The following LINGO2 variants were observed in gnomAD, a reference collection of about 807,000 sequenced individuals.
LINGO2 encodes the protein leucine-rich repeat and immunoglobulin-like domain-containing nogo receptor-interacting protein 2.
A neutral mutation model predicts 30.6 loss-of-function variants in LINGO2; 14 were observed. That is an observed-to-expected ratio of 0.46 (90% CI 0.30 to 0.72). LINGO2 has a LOEUF of 0.72. Among genes scored for constraint, LINGO2 ranks in the 30% least tolerant of loss-of-function variants. The pLI is 0.07. For missense variants in LINGO2, 729 were observed against 751.7 expected (o/e 0.97, Z 0.35); for synonymous variants, 317 against 288.5 (o/e 1.10, Z -1.00).
chr9:28,123,684 G>C (rs1179533338), intron 4 of LINGO2, among the ~76,000 whole-genome samples: 5 of 137,466 alleles, frequency 3.6e-5, no homozygotes, highest in Non-Finnish European at 6.2e-5. Context: ...TTTTTTTTTT[G>C]ACGGAGTCTC....
the LINGO2 span, among the ~76,000 whole-genome samples, chr9:28,894,786 C>G: frequency 1.3e-5 from 2 of 151,832 alleles, no homozygotes; most frequent in Non-Finnish European, 2.9e-5. Context: ...CTTTGAAATA[C>G]GAGTACATTG....
intron 4 of LINGO2, among the ~76,000 whole-genome samples, chr9:28,226,532 A>G (rs1821150504): frequency 1.3e-5 from 2 of 151,738 alleles, no homozygotes; most frequent in Admixed American, 1.3e-4. Context: ...CAAGGGCATA[A>G]GAAGAGAAAT....
intron 4 of LINGO2, among the ~76,000 whole-genome samples, chr9:28,174,214 G>C (rs975231344): frequency 1.5e-4 from 23 of 152,176 alleles, no homozygotes; most frequent in Admixed American, 6.5e-5. Flanking sequence ...TTTCTAAAAT[G>C]AGAATCCACT....
At chr9:29,151,596 G>A in the LINGO2 span, among the ~76,000 whole-genome samples, 1 of 151,496 alleles carries the variant, frequency 6.6e-6, no homozygotes, top group Non-Finnish European at 1.5e-5. Context: ...AAAAAGAGCA[G>A]GAGTTACTAT....
intron 1 of LINGO2, among the ~76,000 whole-genome samples, chr9:28,630,825 C>T (rs1380113057): frequency 6.6e-6 from 1 of 151,706 alleles, no homozygotes; most frequent in African/African-American, 2.4e-5. Context: ...TGAGAGTATG[C>T]AGACTATTTT....
chr9:28,447,126 G>C (rs1395289842), intron 2 of LINGO2, among the ~76,000 whole-genome samples: 1 of 152,060 alleles, frequency 6.6e-6, no homozygotes, highest in Non-Finnish European at 1.5e-5. Context: ...TCCTAGGTTA[G>C]GTTTGCCTGA....
intron 4 of LINGO2, among the ~76,000 whole-genome samples, chr9:28,166,367 G>T (rs748694961): frequency 6.6e-5 from 10 of 152,178 alleles, no homozygotes; most frequent in South Asian, 4.1e-4. Flanking sequence ...CTAAGCCTCA[G>T]ATTCCTCAGT....
At chr9:28,353,389 A>G (rs1266681230) in intron 3 of LINGO2, among the ~76,000 whole-genome samples, 256 of 150,768 alleles carry the variant, frequency 1.7e-3, no homozygotes, top group African/African-American at 5.9e-3. Context: ...GCAGCCAAAA[A>G]ACACATGAAA....
chr9:28,705,331 A>G, the LINGO2 span, among the ~76,000 whole-genome samples: 1 of 152,076 alleles, frequency 6.6e-6, no homozygotes, highest in African/African-American at 2.4e-5. Flanking sequence ...TAACAGTCCT[A>G]TAATTATAAT....
rs1824624440 is a variant in LINGO2 at position 28,050,546 on chromosome 9, A to T, written c.-86-38141T>A. ...CGGCAATCAAATGTAATGTGTGATC[A>T]CTGATAGGGTTCTAATCCCCTCCAT... On this transcript the variant is annotated intron_variant, in intron 4 of 5. Coordinates refer to ENST00000379992, the Ensembl canonical transcript of LINGO2. Among the ~76,000 whole-genome samples, 3 of 150,902 alleles carry T rather than the reference A, an allele frequency of 2.0e-5. No homozygotes were observed. In the South Asian group the frequency reaches 6.4e-4, roughly 32 times the overall value.
chr9:28,005,446 C>G (rs993859352), intron 5 of LINGO2, among the ~76,000 whole-genome samples: 3 of 152,122 alleles, frequency 2.0e-5, no homozygotes, highest in Non-Finnish European at 2.9e-5. Context: ...TTTCCCTTTC[C>G]CCTTCTCTTG....
chr9:28,358,270 C>T (rs1035358333), intron 3 of LINGO2, among the ~76,000 whole-genome samples: 2 of 151,830 alleles, frequency 1.3e-5, no homozygotes, highest in Non-Finnish European at 2.9e-5. Flanking sequence ...AACTGAAGCC[C>T]ACGAAGTTAA....
At chr9:28,966,300 T>G in the LINGO2 span, among the ~76,000 whole-genome samples, 80,663 of 151,950 alleles carry the variant, frequency 0.53, 22,225 homozygotes, top group Non-Finnish European at 0.6. Context: ...TGAAGAACTA[T>G]GAACAAACGG....
At chr9:29,043,758 A>C in the LINGO2 span, among the ~76,000 whole-genome samples, 1 of 152,028 alleles carries the variant, frequency 6.6e-6, no homozygotes, top group African/African-American at 2.4e-5. Context: ...TAGAAACATA[A>C]AACACAGTTA....
At chr9:28,985,194 A>G in the LINGO2 span, among the ~76,000 whole-genome samples, 1 of 152,088 alleles carries the variant, frequency 6.6e-6, no homozygotes, top group African/African-American at 2.4e-5. Context: ...CAAATGACAG[A>G]ATTTCGTTCT....
At chr9:28,630,529 C>G (rs914330578) in intron 1 of LINGO2, among the ~76,000 whole-genome samples, 1 of 152,030 alleles carries the variant, frequency 6.6e-6, no homozygotes, top group Non-Finnish European at 1.5e-5. Flanking sequence ...CATGATACAA[C>G]TCAAGCTTCT....
chr9:29,080,265 G>T, the LINGO2 span, among the ~76,000 whole-genome samples: 1 of 152,118 alleles, frequency 6.6e-6, no homozygotes, highest in Non-Finnish European at 1.5e-5. Flanking sequence ...ATGGTAGTTT[G>T]TATTTCTGTG....
At chr9:28,351,779 G>A (rs1229675464) in intron 3 of LINGO2, among the ~76,000 whole-genome samples, 1 of 152,052 alleles carries the variant, frequency 6.6e-6, no homozygotes, top group East Asian at 1.9e-4. Flanking sequence ...GAATCCAGCA[G>A]CACATCAAGA....
chr9:28,369,062 C>T (rs4879241), intron 3 of LINGO2, among the ~76,000 whole-genome samples: 14,689 of 152,180 alleles, frequency 0.097, 1,001 homozygotes, highest in Admixed American at 0.14. Flanking sequence ...CCCAATTCTT[C>T]CATTTACAAA....
Sources: gnomAD v4.1 joint callset for allele counts (sites outside exome capture counted in the v4.1 genomes callset) on GRCh38, gnomAD v4.1.1 for gene constraint, MANE v1.5 for transcripts, NCBI Gene and HGNC (gene_info 2026-07-23, HGNC 2026-07-21) for gene names.